Variants in GALNT14 observed in about 807,000 individuals in gnomAD.
GALNT14 encodes the protein UDP-GalNAc:polypeptide N-acetylgalactosaminyltransferase 14.
GALNT14 carries 60 observed loss-of-function variants against 77.5 expected under a neutral mutation model. That is an observed-to-expected ratio of 0.77 (90% CI 0.63 to 0.96). The LOEUF is 0.96. Ranked by LOEUF, GALNT14 falls within the 40% of genes least tolerant of loss-of-function variation. GALNT14 has a pLI of 0.00. For synonymous variants in GALNT14, 280 were observed against 281.7 expected (o/e 0.99, Z 0.06); for missense variants, 710 against 731.0 (o/e 0.97, Z 0.33).
At chr2:31,057,820 T>C (rs960830501) in intron 1 of GALNT14, among the ~76,000 whole-genome samples, 2 of 152,154 alleles carry the variant, frequency 1.3e-5, no homozygotes, top group African/African-American at 4.8e-5. Flanking sequence ...TGAGCACTAC[T>C]AACCCATCCC....
chr2:31,101,190 C>A (rs942381564), intron 1 of GALNT14, among the ~76,000 whole-genome samples: 1 of 151,944 alleles, frequency 6.6e-6, no homozygotes, highest in African/African-American at 2.4e-5. Flanking sequence ...AAGATAATAT[C>A]TTTTTTCTCT....
intron 1 of GALNT14, among the ~76,000 whole-genome samples, chr2:31,038,559 C>T (rs936761423): frequency 2.6e-4 from 38 of 145,106 alleles, no homozygotes; most frequent in Admixed American, 4.1e-4. Context: ...TGGCGTTGGC[C>T]GGGGGAGGGG....
chr2:30,981,344 G>A (rs1194761187), intron 2 of GALNT14, among the ~76,000 whole-genome samples: 1 of 152,214 alleles, frequency 6.6e-6, no homozygotes, highest in African/African-American at 2.4e-5. Flanking sequence ...AATGTGGGCA[G>A]GTCACCAATG....
At chr2:30,897,163 T>C in the GALNT14 span, among the ~76,000 whole-genome samples, 81 of 152,244 alleles carry the variant, frequency 5.3e-4, no homozygotes, top group Non-Finnish European at 9.3e-4. Context: ...GTTGACTTGC[T>C]CTCCATTCTC....
chr2:31,099,960 A>C (rs1677183016), intron 1 of GALNT14, among the ~76,000 whole-genome samples: 1 of 152,034 alleles, frequency 6.6e-6, no homozygotes, highest in Non-Finnish European at 1.5e-5. Flanking sequence ...TTATAAATTA[A>C]CTTAAATAGA....
At chr2:31,066,892 C>G (rs1437885942) in intron 1 of GALNT14, among the ~76,000 whole-genome samples, 1 of 152,182 alleles carries the variant, frequency 6.6e-6, no homozygotes, top group African/African-American at 2.4e-5. Flanking sequence ...AATGCAATTT[C>G]CAGACCCAGC....
intron 1 of GALNT14, among the ~76,000 whole-genome samples, chr2:31,041,525 T>C (rs760333462): frequency 1.5e-4 from 23 of 152,208 alleles, no homozygotes; most frequent in Middle Eastern, 3.4e-3. Context: ...AGTTTCATCA[T>C]GGCTGTCCCT....
intron 1 of GALNT14, among the ~76,000 whole-genome samples, chr2:31,007,791 G>C (rs756280533): frequency 1.3e-5 from 2 of 152,146 alleles, no homozygotes; most frequent in Non-Finnish European, 2.9e-5. Flanking sequence ...ATTAAAATCA[G>C]ATTCTGGAGA....
chr2:30,987,746 T>A, intron 2 of GALNT14, among the ~76,000 whole-genome samples: 1 of 47,200 alleles, frequency 2.1e-5, no homozygotes, highest in African/African-American at 7.6e-5. Flanking sequence ...CTCCCCCACC[T>A]GCTGCCTCCC....
intron 1 of GALNT14, among the ~76,000 whole-genome samples, chr2:31,130,782 GTGCGCGCGCACC>G (rs1678949125): frequency 7.4e-6 from 1 of 134,364 alleles, no homozygotes; most frequent in Non-Finnish European, 1.5e-5. Context: ...GTGTGTGTGT[GTGCGCGCGCACC>G]TGTGTGTGTG....
At chr2:31,085,669 A>G (rs1248194729) in intron 1 of GALNT14, among the ~76,000 whole-genome samples, 2 of 152,114 alleles carry the variant, frequency 1.3e-5, no homozygotes, top group African/African-American at 4.8e-5. Flanking sequence ...AAGTCTCTTC[A>G]TTTCCTTTTG....
chr2:31,065,790 G>A (rs773599361), intron 1 of GALNT14, among the ~76,000 whole-genome samples: 14 of 152,142 alleles, frequency 9.2e-5, no homozygotes, highest in Non-Finnish European at 1.8e-4. Flanking sequence ...CCCTCCTGCC[G>A]GGTGTCTGAG....
chr2:30,912,412 C>T (rs1664424014), intron 13 of GALNT14, 70 bp from the exon 14 acceptor site: 3 of 1,571,180 alleles, frequency 1.9e-6, no homozygotes, highest in Non-Finnish European at 1.7e-6. Context: ...TACAACCACA[C>T]TTACGGGTGT....
At chr2:31,001,723 C>T (rs1208650357) in intron 1 of GALNT14, among the ~76,000 whole-genome samples, 1 of 151,856 alleles carries the variant, frequency 6.6e-6, no homozygotes, top group Non-Finnish European at 1.5e-5. Context: ...GATTTAGATG[C>T]TCCAAGGACT....
chr2:31,027,427 CAAA>C (rs539336965), intron 1 of GALNT14, among the ~76,000 whole-genome samples: 206 of 58,814 alleles, frequency 3.5e-3, no homozygotes, highest in African/African-American at 8.5e-3. Context: ...CAAAACAAAG[CAAA>C]AAAAAAAAAA....
chr2:31,061,764 C>A (rs1187530280), intron 1 of GALNT14, among the ~76,000 whole-genome samples: 1 of 152,188 alleles, frequency 6.6e-6, no homozygotes, highest in Non-Finnish European at 1.5e-5. Context: ...ATTTCCCCTG[C>A]CGAGTATGTT....
intron 1 of GALNT14, among the ~76,000 whole-genome samples, chr2:31,044,300 T>G (rs1573230340): frequency 6.6e-6 from 1 of 152,190 alleles, no homozygotes; most frequent in Admixed American, 6.5e-5. Flanking sequence ...CACTGCCCTC[T>G]TAAAATAAAC....
chr2:30,902,562 G>C, the GALNT14 span, among the ~76,000 whole-genome samples: 421 of 152,254 alleles, frequency 2.8e-3, 4 homozygotes, highest in Non-Finnish European at 4.6e-3. Flanking sequence ...TTGTCCCCCT[G>C]GGGCTGAGGC....
intron 1 of GALNT14, among the ~76,000 whole-genome samples, chr2:31,002,281 T>C (rs532120406): frequency 5.3e-5 from 8 of 152,086 alleles, no homozygotes; most frequent in Admixed American, 4.6e-4. Context: ...AATACAAAAA[T>C]TACCCGGGCG....
Sources: gnomAD v4.1 joint callset for allele counts (sites outside exome capture counted in the v4.1 genomes callset) on GRCh38, gnomAD v4.1.1 for gene constraint, MANE v1.5 for transcripts, NCBI Gene and HGNC (gene_info 2026-07-23, HGNC 2026-07-21) for gene names.